Variants in SLCO6A1 observed in about 807,000 individuals in gnomAD.
The protein encoded by SLCO6A1 is cancer/testis antigen 48.
A neutral mutation model predicts 72.7 loss-of-function variants in SLCO6A1; 65 were observed. That is an observed-to-expected ratio of 0.89 (90% CI 0.73 to 1.10). The LOEUF is 1.10. SLCO6A1 is among the 50% of genes least tolerant of loss of function. SLCO6A1 has a pLI of 0.00. For missense variants in SLCO6A1, 874 were observed against 872.6 expected (o/e 1.00, Z -0.02); for synonymous variants, 314 against 298.2 (o/e 1.05, Z -0.55).
intron 11 of SLCO6A1, 138 bp downstream of exon 11, chr5:102,390,843 A>C (rs1305704017): frequency 3.0e-6 from 2 of 661,426 alleles, no homozygotes; most frequent in Non-Finnish European, 5.2e-6. Context: ...TTGTCTCCTA[A>C]ATTCTGCAAA....
intron 12 of SLCO6A1, among the ~76,000 whole-genome samples, chr5:102,387,266 C>G (rs1301518743): frequency 6.6e-6 from 1 of 152,146 alleles, no homozygotes; most frequent in Non-Finnish European, 1.5e-5. Context: ...TAAATTGCCA[C>G]ACATGCATAA....
intron 9 of SLCO6A1, among the ~76,000 whole-genome samples, chr5:102,407,539 A>G (rs1393023941): frequency 6.6e-6 from 1 of 152,216 alleles, no homozygotes; most frequent in South Asian, 2.1e-4. Context: ...GCCTGCATCA[A>G]TCAGTTTTAC....
intron 9 of SLCO6A1, among the ~76,000 whole-genome samples, chr5:102,409,289 G>A (rs1747842283): frequency 6.6e-6 from 1 of 152,076 alleles, no homozygotes; most frequent in South Asian, 2.1e-4. Context: ...TTTTGCATAA[G>A]TTTCATTGAA....
intron 9 of SLCO6A1, among the ~76,000 whole-genome samples, chr5:102,412,337 C>A (rs980284269): frequency 7.9e-5 from 12 of 152,134 alleles, no homozygotes; most frequent in African/African-American, 2.9e-4. Flanking sequence ...CATGGTCACT[C>A]ATATCTGGCT....
At chr5:102,411,280 T>C (rs147606546) in intron 9 of SLCO6A1, among the ~76,000 whole-genome samples, 56 of 152,096 alleles carry the variant, frequency 3.7e-4, no homozygotes, top group Non-Finnish European at 6.8e-4. Context: ...GTTGTGTTTT[T>C]ATGAGATATG....
At chr5:102,420,283 T>C (rs551202948) in intron 7 of SLCO6A1, among the ~76,000 whole-genome samples, 1 of 152,268 alleles carries the variant, frequency 6.6e-6, no homozygotes, top group South Asian at 2.1e-4. Context: ...AGTAATGCCA[T>C]CAAGGACAAA....
At chr5:102,373,261 G>A in intron 13 of SLCO6A1, 76 bp downstream of exon 13, 5 of 916,634 alleles carry the variant, frequency 5.5e-6, no homozygotes, top group Non-Finnish European at 7.2e-6. Flanking sequence ...TGTTAAACAT[G>A]TAATTACATT....
At chr5:102,376,369 C>T (rs937970670) in intron 12 of SLCO6A1, among the ~76,000 whole-genome samples, 1 of 151,852 alleles carries the variant, frequency 6.6e-6, no homozygotes, top group Non-Finnish European at 1.5e-5. Flanking sequence ...TATATGTACA[C>T]GTACACATAC....
intron 1 of SLCO6A1, among the ~76,000 whole-genome samples, 198 bp from the exon 2 acceptor site, chr5:102,480,632 A>T (rs1257397605): frequency 1.3e-5 from 2 of 152,060 alleles, no homozygotes; most frequent in Non-Finnish European, 2.9e-5. Flanking sequence ...CACTAATTGA[A>T]TTTTTGAAGC....
At chr5:102,377,324 G>A (rs904380159) in intron 12 of SLCO6A1, among the ~76,000 whole-genome samples, 1 of 152,092 alleles carries the variant, frequency 6.6e-6, no homozygotes, top group Admixed American at 6.6e-5. Context: ...TAATGCTGTA[G>A]AAAGAACATT....
chr5:102,400,402 T>C (rs774091494), intron 9 of SLCO6A1, among the ~76,000 whole-genome samples: 3 of 152,028 alleles, frequency 2.0e-5, no homozygotes, highest in Non-Finnish European at 4.4e-5. Flanking sequence ...TCTTTATCAT[T>C]ATTAATTTTT....
intron 4 of SLCO6A1, among the ~76,000 whole-genome samples, chr5:102,461,432 T>C (rs10044208): frequency 0.64 from 96,715 of 151,852 alleles, 30,974 homozygotes; most frequent in African/African-American, 0.66. Flanking sequence ...AAAATTTAGA[T>C]TGAAGAGTCA....
chr5:102,467,772 T>G (rs1397478694), intron 4 of SLCO6A1, among the ~76,000 whole-genome samples: 1 of 152,176 alleles, frequency 6.6e-6, no homozygotes, highest in African/African-American at 2.4e-5. Flanking sequence ...TTGTTTATCT[T>G]TTCAAAGAAC....
chr5:102,374,882 T>C (rs1419649139), intron 12 of SLCO6A1, among the ~76,000 whole-genome samples: 5 of 151,926 alleles, frequency 3.3e-5, no homozygotes, highest in African/African-American at 4.8e-5. Flanking sequence ...TATCTGAAAA[T>C]GATAGGAAAA....
At chr5:102,406,381 C>A (rs919705870) in intron 9 of SLCO6A1, among the ~76,000 whole-genome samples, 5 of 151,968 alleles carry the variant, frequency 3.3e-5, no homozygotes, top group East Asian at 3.9e-4. Context: ...CAAAAAGGGA[C>A]ATTTTAGAAA....
chr5:102,402,873 G>T (rs1375163614), intron 9 of SLCO6A1, among the ~76,000 whole-genome samples: 4 of 152,014 alleles, frequency 2.6e-5, no homozygotes, highest in Non-Finnish European at 5.9e-5. Context: ...TTTGCAAATG[G>T]CTTGCAAGCC....
intron 7 of SLCO6A1, among the ~76,000 whole-genome samples, chr5:102,427,325 G>A (rs1427430914): frequency 6.6e-6 from 1 of 151,886 alleles, no homozygotes; most frequent in Non-Finnish European, 1.5e-5. Flanking sequence ...TGAGTACAGG[G>A]GAGAAACCTG....
intron 10 of SLCO6A1, among the ~76,000 whole-genome samples, chr5:102,397,243 A>G (rs1747137234): frequency 3.3e-5 from 5 of 152,152 alleles, no homozygotes. Context: ...GTCCATAGGC[A>G]GAATCCTTTC....
At chr5:102,376,772 T>A (rs1184593107) in intron 12 of SLCO6A1, among the ~76,000 whole-genome samples, 1 of 152,182 alleles carries the variant, frequency 6.6e-6, no homozygotes, top group African/African-American at 2.4e-5. Context: ...TGATAGGTCA[T>A]AAGAGACGTT....
Sources: gnomAD v4.1 joint callset for allele counts (sites outside exome capture counted in the v4.1 genomes callset) on GRCh38, gnomAD v4.1.1 for gene constraint, MANE v1.5 for transcripts, NCBI Gene and HGNC (gene_info 2026-07-23, HGNC 2026-07-21) for gene names.